RSF1: variants seen among roughly 807,000 people sequenced by gnomAD.
RSF1 encodes the protein remodeling and spacing factor 1, also known as HBV pX-associated protein 8.
In RSF1, 13 loss-of-function variants were observed where a neutral mutation model predicts 145.2. The ratio of observed to expected loss-of-function variants is 0.09; its 90% confidence interval spans 0.06 to 0.14. The LOEUF (loss-of-function observed/expected upper bound fraction) is 0.14. Ranked by LOEUF, RSF1 falls within the 10% of genes least tolerant of loss-of-function variation. The probability of loss-of-function intolerance (pLI) is 1.00; values close to 1 mark genes in which losing one functional copy is unlikely to be tolerated. For synonymous variants in RSF1, 577 were observed against 592.6 expected (o/e 0.97, Z 0.38); for missense variants, 1,517 against 1,718.2 (o/e 0.88, Z 2.07).
At chr11:77,781,904 G>A (rs1948408327) in intron 1 of RSF1, among the ~76,000 whole-genome samples, 1 of 152,108 alleles carries the variant, frequency 6.6e-6, no homozygotes, top group South Asian at 2.1e-4. Flanking sequence ...ACAGCATTAT[G>A]AAACACTCCT....
At chr11:77,680,167 T>G (rs774575777) in intron 11 of RSF1, among the ~76,000 whole-genome samples, 3 of 152,088 alleles carry the variant, frequency 2.0e-5, no homozygotes, top group Non-Finnish European at 4.4e-5. Context: ...AAGCTAGGGC[T>G]GGGTGCAGTG....
chr11:77,775,793 G>A (rs1948336433), intron 1 of RSF1, among the ~76,000 whole-genome samples: 1 of 152,140 alleles, frequency 6.6e-6, no homozygotes, highest in Non-Finnish European at 1.5e-5. Flanking sequence ...TTTAAACACA[G>A]AGTCTTGCTC....
chr11:77,718,140 C>T (rs1960859319), intron 5 of RSF1: 1 of 152,186 alleles, frequency 6.6e-6, no homozygotes. Context: ...AACCCCGTCT[C>T]TACTAAAAAT....
intron 6 of RSF1, among the ~76,000 whole-genome samples, chr11:77,700,308 G>A (rs1181672078): frequency 8.1e-6 from 1 of 122,944 alleles, no homozygotes; most frequent in Non-Finnish European, 1.6e-5. Flanking sequence ...CCGAGATAGT[G>A]CCATTGCACT....
At chr11:77,692,151 A>G (rs554596811) in intron 8 of RSF1, among the ~76,000 whole-genome samples, 3 of 151,918 alleles carry the variant, frequency 2.0e-5, no homozygotes, top group African/African-American at 4.8e-5. Flanking sequence ...TTGGCCTCCC[A>G]AAGTGCTGGG....
At chr11:77,857,685 C>T in the RSF1 span, among the ~76,000 whole-genome samples, 13 of 151,542 alleles carry the variant, frequency 8.6e-5, no homozygotes. Context: ...ACCTATCAAC[C>T]CATCAACTAA....
chr11:77,674,176 T>C (rs1959629506), intron 14 of RSF1, among the ~76,000 whole-genome samples: 1 of 152,184 alleles, frequency 6.6e-6, no homozygotes, highest in African/African-American at 2.4e-5. Flanking sequence ...TCATCACTTA[T>C]TTAGATGGTT....
intron 5 of RSF1, among the ~76,000 whole-genome samples, chr11:77,709,985 T>C (rs1225860541): frequency 6.6e-6 from 1 of 152,216 alleles, no homozygotes; most frequent in Non-Finnish European, 1.5e-5. Flanking sequence ...TCAAGAATTT[T>C]TTAATGATTA....
intron 5 of RSF1, among the ~76,000 whole-genome samples, chr11:77,721,729 T>C (rs1196995781): frequency 6.6e-6 from 1 of 152,220 alleles, no homozygotes; most frequent in Non-Finnish European, 1.5e-5. Context: ...GTGTAAGCTT[T>C]ACAAAAGCAA....
intron 1 of RSF1, among the ~76,000 whole-genome samples, chr11:77,808,527 C>CTTTTTTTTTTTTT (rs745630976): frequency 1.7e-5 from 1 of 59,998 alleles, no homozygotes; most frequent in Non-Finnish European, 2.6e-5. Flanking sequence ...AATATTATAC[C>CTTTTTTTTTTTTT]TTTTTTTTTT....
At chr11:77,687,798 A>T (rs1169981280) in intron 9 of RSF1, among the ~76,000 whole-genome samples, 4 of 152,232 alleles carry the variant, frequency 2.6e-5, no homozygotes, top group Admixed American at 2.6e-4. Context: ...ATAAACAAAT[A>T]TTGTGGCATA....
intron 5 of RSF1, among the ~76,000 whole-genome samples, chr11:77,705,600 C>G (rs1199104860): frequency 6.6e-6 from 1 of 152,212 alleles, no homozygotes; most frequent in Non-Finnish European, 1.5e-5. Flanking sequence ...CCTCAAACAC[C>G]TTAAAGCTGT....
rs1025740437 is a variant in RSF1, at chr11:77,663,923, G to A, written c.*2994C>T. The stretch of plus-strand genomic sequence containing the variant: ...AGTCCAACTTGTATTTCAACAAGGG[G>A]GGTTTAAATTATTAAAGGGCTCTAT... On this transcript the variant is annotated 3_prime_UTR_variant, in exon 16 of 16. Transcript: ENST00000308488. 1 of 152,014 alleles carries A rather than the reference G, an allele frequency of 6.6e-6. No homozygotes were observed. The highest frequency in any genetic ancestry group is 2.4e-5 in the African/African-American group (1 of 41,378). The allele number at this position is 152,014 out of a possible 1,614,324, so 9.4% of individuals were successfully genotyped here. A position where few individuals can be genotyped will look rare whatever the true frequency, so the allele number is the denominator to read the frequency against.
chr11:77,727,275 T>C (rs1032933808), intron 4 of RSF1, among the ~76,000 whole-genome samples: 2 of 152,170 alleles, frequency 1.3e-5, no homozygotes, highest in African/African-American at 4.8e-5. Context: ...ACTACTCATA[T>C]TCCATTGAGA....
chr11:77,747,471 T>G (rs1948013932), intron 2 of RSF1, among the ~76,000 whole-genome samples: 4 of 152,174 alleles, frequency 2.6e-5, no homozygotes, highest in Admixed American at 2.6e-4. Context: ...ATGACAAAAA[T>G]TTATTCATCT....
the RSF1 span, among the ~76,000 whole-genome samples, chr11:77,847,978 CT>C: frequency 6.6e-6 from 1 of 152,158 alleles, no homozygotes; most frequent in South Asian, 2.1e-4. Flanking sequence ...GCAAATTCTC[CT>C]TCCTCTGCTT....
intron 5 of RSF1, among the ~76,000 whole-genome samples, chr11:77,724,036 T>TA (rs1481404066): frequency 1.3e-5 from 2 of 152,006 alleles, no homozygotes; most frequent in Non-Finnish European, 2.9e-5. Context: ...ATCATAGACT[T>TA]AAGAGTTTTC....
intron 3 of RSF1, among the ~76,000 whole-genome samples, chr11:77,743,859 G>A (rs568813805): frequency 7.9e-5 from 12 of 152,166 alleles, no homozygotes; most frequent in Non-Finnish European, 1.6e-4. Context: ...TGTATTATAT[G>A]GCCTTTACTG....
intron 1 of RSF1, among the ~76,000 whole-genome samples, chr11:77,793,993 C>T (rs1397944933): frequency 6.6e-6 from 1 of 152,078 alleles, no homozygotes; most frequent in East Asian, 1.9e-4. Flanking sequence ...TATAACAATT[C>T]TAAACATATA....
Sources: allele counts gnomAD v4.1 joint callset (sites outside exome capture counted in the v4.1 genomes callset), GRCh38; gene constraint gnomAD v4.1.1; transcripts MANE v1.5; gene names NCBI Gene and HGNC (gene_info 2026-07-23, HGNC 2026-07-21).